BRI3BP: variants seen among roughly 807,000 people sequenced by gnomAD.
BRI3BP encodes BRI3 binding protein, also known as BRI3-binding protein.
A neutral mutation model predicts 15.8 loss-of-function variants in BRI3BP; 7 were observed. The observed-to-expected ratio is 0.44, with a 90% CI of 0.25 to 0.83. BRI3BP has a LOEUF of 0.83. BRI3BP is among the 40% of genes least tolerant of loss of function. The pLI is 0.20. For missense variants in BRI3BP, 320 were observed against 339.3 expected (o/e 0.94, Z 0.45); for synonymous variants, 192 against 163.5 (o/e 1.17, Z -1.33).
At chr12:125,050,597 C>T in the BRI3BP span, among the ~76,000 whole-genome samples, 1 of 152,218 alleles carries the variant, frequency 6.6e-6, no homozygotes, top group Non-Finnish European at 1.5e-5. Context: ...TGCCCTGCCT[C>T]GTGCTAGGCG....
At chr12:125,010,411 C>A (rs118175201) in intron 1 of BRI3BP, among the ~76,000 whole-genome samples, 1 of 152,172 alleles carries the variant, frequency 6.6e-6, no homozygotes, top group Non-Finnish European at 1.5e-5. Flanking sequence ...TTTCTACTCT[C>A]CTGGTCCCTG....
intron 1 of BRI3BP, among the ~76,000 whole-genome samples, chr12:124,998,269 G>A (rs1955057254): frequency 6.6e-6 from 1 of 152,094 alleles, no homozygotes; most frequent in Admixed American, 6.6e-5. Flanking sequence ...TCAAGCCGGG[G>A]GAACAGAGAC....
chr12:125,041,250 G>T, the BRI3BP span, among the ~76,000 whole-genome samples: 4 of 149,738 alleles, frequency 2.7e-5, no homozygotes, highest in Admixed American at 2.0e-4. Context: ...TAGAGACAGG[G>T]TTTCACCATG....
chr12:125,027,363 T>A lies in BRI3BP; in HGVS notation c.*1933T>A, dbSNP rs1320838940. The A allele has an allele frequency of 6.6e-6, 1 of 152,084 alleles. No homozygotes were observed. The highest frequency in any genetic ancestry group is 1.9e-4 in the East Asian group (1 of 5,156). The allele number at this position is 152,084 out of a possible 1,614,324, so 9.4% of individuals were successfully genotyped here. A position where few individuals can be genotyped will look rare whatever the true frequency, so the allele number is the denominator to read the frequency against. ...CAGGTGCATGTTTATTCAGTGTGCA[T>A]GGATATTTAAGATTTGCTGGAGCAG... On this transcript the variant is annotated 3_prime_UTR_variant, in exon 3 of 3. Coordinates refer to ENST00000341446, the MANE Select transcript of BRI3BP (RefSeq NM_080626.6).
intron 1 of BRI3BP, among the ~76,000 whole-genome samples, chr12:124,998,631 C>T (rs1955059376): frequency 6.6e-6 from 1 of 152,074 alleles, no homozygotes; most frequent in African/African-American, 2.4e-5. Context: ...GGAATTACTG[C>T]TTAATTGATC....
At chr12:125,035,908 A>G (rs761149761), downstream of BRI3BP, among the ~76,000 whole-genome samples, 30 of 152,126 alleles carry the variant, frequency 2.0e-4, no homozygotes, top group Admixed American at 7.9e-4. Context: ...CAGTAGCAAA[A>G]TATCCACTGA....
At chr12:124,998,287 C>CA (rs1955057393) in intron 1 of BRI3BP, among the ~76,000 whole-genome samples, 1 of 151,776 alleles carries the variant, frequency 6.6e-6, no homozygotes, top group African/African-American at 2.4e-5. Flanking sequence ...GACTCCGTCT[C>CA]AAAAAAAATT....
intron 1 of BRI3BP, among the ~76,000 whole-genome samples, chr12:124,994,481 T>TA (rs200257286): frequency 0.014 from 2,182 of 152,262 alleles, 29 homozygotes; most frequent in Middle Eastern, 0.044. Flanking sequence ...GCTTTGAAGA[T>TA]ACTTGGAGTT....
chr12:125,006,937 G>A (rs139574759), intron 1 of BRI3BP, among the ~76,000 whole-genome samples: 4 of 152,140 alleles, frequency 2.6e-5, no homozygotes, highest in African/African-American at 9.6e-5. Context: ...GGTGGGTCAC[G>A]CCTGTAATCC....
At chr12:125,047,226 G>A in the BRI3BP span, among the ~76,000 whole-genome samples, 1 of 150,986 alleles carries the variant, frequency 6.6e-6, no homozygotes, top group Admixed American at 6.6e-5. Flanking sequence ...TCGGCTCACT[G>A]CAAGCTCCGC....
intron 2 of BRI3BP, among the ~76,000 whole-genome samples, chr12:125,023,215 A>G (rs1955316088): frequency 6.6e-6 from 1 of 152,130 alleles, no homozygotes; most frequent in South Asian, 2.1e-4. Flanking sequence ...GTTCTCAGGG[A>G]GGTGGTGAGG....
chr12:125,035,563 CT>C (rs1033939198), downstream of BRI3BP, among the ~76,000 whole-genome samples: 7 of 147,922 alleles, frequency 4.7e-5, no homozygotes, highest in South Asian at 2.2e-4. Context: ...CAGGCTAATG[CT>C]TTTTTTTTTG....
At chr12:125,008,311 T>C (rs1419026661) in intron 1 of BRI3BP, among the ~76,000 whole-genome samples, 3 of 146,432 alleles carry the variant, frequency 2.0e-5, no homozygotes, top group Non-Finnish European at 4.5e-5. Flanking sequence ...TTTTTTTTTT[T>C]TTTTTTTTTT....
chr12:125,021,081 G>A (rs897630241), intron 2 of BRI3BP, among the ~76,000 whole-genome samples: 5 of 152,192 alleles, frequency 3.3e-5, no homozygotes, highest in Non-Finnish European at 7.3e-5. Context: ...CCTCCAGTCT[G>A]CAGGGGACAG....
At chr12:124,998,587 G>A (rs1955058980) in intron 1 of BRI3BP, among the ~76,000 whole-genome samples, 1 of 152,132 alleles carries the variant, frequency 6.6e-6, no homozygotes, top group African/African-American at 2.4e-5. Flanking sequence ...AAGCAGATGG[G>A]TGGTTGCCAG....
rs558695833 is a variant in BRI3BP, at chr12:125,001,755, A to G, written c.213+7752A>G. ...TTTTTTTTTTTGAGCTATAATTCATATACCATACAGTTTATTCATTGAAAG... is the reference window on the plus strand; with the variant it reads ...TTTTTTTTTTTGAGCTATAATTCATGTACCATACAGTTTATTCATTGAAAG... On this transcript the variant is annotated intron_variant, in intron 1 of 2. Coordinates refer to ENST00000341446, the MANE Select transcript of BRI3BP (RefSeq NM_080626.6). Among the ~76,000 whole-genome samples the G allele has an allele frequency of 2.6e-5, 4 of 151,470 alleles. No homozygotes were observed. In the South Asian group the frequency reaches 8.3e-4, roughly 32 times the overall value.
the BRI3BP span, among the ~76,000 whole-genome samples, chr12:125,050,055 A>G: frequency 6.6e-6 from 1 of 152,200 alleles, no homozygotes; most frequent in Non-Finnish European, 1.5e-5. Flanking sequence ...GTGACACACT[A>G]AAGAATAAAT....
the BRI3BP span, among the ~76,000 whole-genome samples, chr12:125,043,630 G>C: frequency 6.6e-6 from 1 of 151,898 alleles, no homozygotes. Context: ...GCCGAGGTGG[G>C]CCAATCACCT....
At chr12:125,038,255 CA>C in the BRI3BP span, among the ~76,000 whole-genome samples, 51,587 of 116,504 alleles carry the variant, frequency 0.44, 10,071 homozygotes, top group Non-Finnish European at 0.54. Context: ...CCAGCCATCT[CA>C]AAAAAAAAAA....
Sources: allele counts gnomAD v4.1 joint callset (sites outside exome capture counted in the v4.1 genomes callset), GRCh38; gene constraint gnomAD v4.1.1; transcripts MANE v1.5; gene names NCBI Gene and HGNC (gene_info 2026-07-23, HGNC 2026-07-21).